CACNA1C: variants seen among roughly 807,000 people sequenced by gnomAD.
CACNA1C encodes voltage-dependent L-type calcium channel subunit alpha-1C.
Under a neutral mutation model 229.0 loss-of-function variants are expected in CACNA1C, and 30 were observed. The observed-to-expected ratio is 0.13, with a 90% confidence interval of 0.10 to 0.18. CACNA1C has a LOEUF of 0.18. Among genes scored for constraint, CACNA1C ranks in the 10% least tolerant of loss-of-function variants. The probability of loss-of-function intolerance (pLI) is 1.00; values close to 1 mark genes in which losing one functional copy is unlikely to be tolerated. For synonymous variants in CACNA1C, 1,114 were observed against 1,132.5 expected (o/e 0.98, Z 0.33); for missense variants, 1,658 against 2,845.0 (o/e 0.58, Z 9.49).
Position 2,567,685 on chromosome 12 carries a change from G to A in CACNA1C, c.1786G>A (p.Val596Met), listed in dbSNP as rs768034509. ...SLFNRFDCFV[V>M]CGGILETILV... ...CTTCAACCGCTTTGACTGCTTCGTC[G>A]TGTGTGGCGGCATCCTGGAGACCAT... The change falls in exon 13 of 47, where the codon GTG becomes ATG. Residue 596 changes from valine to methionine, a missense_variant. Around this residue, in one of 20 missense-constraint regions of CACNA1C, gnomAD observed 30 missense variants for 96.6 expected, o/e 0.31. Transcript: ENST00000399655. 7.4e-6 allele frequency: 12 copies of A among 1,613,662 alleles called. No individual in the cohort carries two copies. The highest frequency in any genetic ancestry group is 4.5e-5 in the East Asian group (2 of 44,862).
At position 2,575,204 on chromosome 12, in the gene CACNA1C, A is replaced by G. The variant is rs1463276599; in HGVS notation, c.1896-6386A>G. ...GTTAACTAAGTCAGCCCTTGCCTCA[A>G]AAGTGAAACCACAAAATGGTCTTCC... is the stretch of plus-strand genomic sequence containing the variant. On this transcript the variant is annotated intron_variant, in intron 13 of 46. Coordinates refer to ENST00000399655, the MANE Select transcript of CACNA1C (RefSeq NM_000719.7). This position sits in a 1 kb window ranked among gnomAD's most constrained non-coding sequence, Gnocchi z 4.0. Among the ~76,000 whole-genome samples, 1 of 152,222 alleles carries G rather than the reference A, an allele frequency of 6.6e-6. No homozygotes were observed. Among genetic ancestry groups the G allele is most frequent in the African/African-American group, 2.4e-5 (1 of 41,454 alleles).
intron 3 of CACNA1C, among the ~76,000 whole-genome samples, chr12:2,143,687 C>T (rs1185726887): frequency 2.6e-5 from 4 of 151,030 alleles, no homozygotes; most frequent in Non-Finnish European, 4.4e-5. Flanking sequence ...AATCACCTAA[C>T]GACTTATTTC....
intron 1 of CACNA1C, among the ~76,000 whole-genome samples, chr12:2,097,179 T>A (rs1356485814): frequency 1.3e-5 from 2 of 152,182 alleles, no homozygotes; most frequent in Admixed American, 6.5e-5. Flanking sequence ...GGAGTCTTGC[T>A]CTGTCACCCA....
Position 2,115,297 on chromosome 12 carries a change from G to A in CACNA1C, c.123G>A (p.Glu41=), listed in dbSNP as rs981806518. The part of the protein sequence containing the change: ...NANAAAGLAP[E]HIPTPGAALS... ...ATGCGGCAGCGGGGCTGGCCCCTGAGCACATCCCCACCCCGGGGGCTGCCC... is the reference window on the plus strand; with the variant it reads ...ATGCGGCAGCGGGGCTGGCCCCTGAACACATCCCCACCCCGGGGGCTGCCC... The change falls in exon 2 of 47, where the codon GAG becomes GAA. Residue 41 remains glutamate, a synonymous_variant. Coordinates refer to ENST00000399655, the MANE Select transcript of CACNA1C (RefSeq NM_000719.7). 4.4e-6 allele frequency: 7 copies of A among 1,593,710 alleles called. No individual in the cohort carries two copies. The African/African-American group carries it at 9.4e-5, about 21-fold the overall frequency.
At chr12:2,178,071 C>T (rs1245110020) in intron 3 of CACNA1C, among the ~76,000 whole-genome samples, 1 of 152,202 alleles carries the variant, frequency 6.6e-6, no homozygotes, top group South Asian at 2.1e-4. Context: ...AACTGCAGAT[C>T]TGCAGAGAAA....
At chr12:2,682,432 TTG>T (rs1467911107) in intron 42 of CACNA1C, 116 bp from the exon 43 acceptor site, 40 of 1,200,578 alleles carry the variant, frequency 3.3e-5, no homozygotes, top group Admixed American at 4.1e-5. Context: ...GTGTGTGTGC[TTG>T]TGTTTGTGCA....
At chr12:2,222,725 G>C (rs1348888728) in intron 3 of CACNA1C, among the ~76,000 whole-genome samples, 1 of 152,170 alleles carries the variant, frequency 6.6e-6, no homozygotes, top group East Asian at 1.9e-4. Flanking sequence ...TGAGCAATCT[G>C]AACATGAGGG....
rs528877877 is a variant in CACNA1C at position 2,597,776 on chromosome 12, A to G, written c.2853+487A>G. On this transcript the variant is annotated intron_variant, in intron 21 of 46. Transcript: ENST00000399655. This position sits in a 1 kb window ranked among gnomAD's most constrained non-coding sequence, Gnocchi z 4.3. ...TGGCTGTGCCAACATTAAGGCTGCC[A>G]TTTCACTGGTTGGGGCTGCAGCCGT... Among the ~76,000 whole-genome samples, 5 of 152,248 alleles carry G rather than the reference A, an allele frequency of 3.3e-5. No individual in the cohort carries two copies. The highest frequency in any genetic ancestry group is 1.2e-4 in the African/African-American group (5 of 41,558).
chr12:2,593,640 A>G (rs2066575891), intron 19 of CACNA1C, among the ~76,000 whole-genome samples: 1 of 152,254 alleles, frequency 6.6e-6, no homozygotes, highest in Admixed American at 6.5e-5. Flanking sequence ...AACAATATCA[A>G]GAACCTCCTC....
intron 1 of CACNA1C, chr12:2,004,198 C>T: frequency 6.4e-7 from 1 of 1,567,716 alleles, no homozygotes; most frequent in East Asian, 2.3e-5. Context: ...TCCTCCCCCT[C>T]ACCGGGTCCT....
chr12:2,483,854 G>T (rs540895990), intron 5 of CACNA1C, among the ~76,000 whole-genome samples: 1 of 152,284 alleles, frequency 6.6e-6, no homozygotes, highest in Admixed American at 6.5e-5. Flanking sequence ...TCTGTCCCCT[G>T]CAGGCCCTGA....
intron 3 of CACNA1C, among the ~76,000 whole-genome samples, chr12:2,447,007 C>T (rs568874767): frequency 6.6e-6 from 1 of 152,204 alleles, no homozygotes; most frequent in South Asian, 2.1e-4. Context: ...CTCAGCTTCA[C>T]CTTTCTGGGA....
At chr12:2,517,941 C>T (rs1169003712) in intron 9 of CACNA1C, among the ~76,000 whole-genome samples, 1 of 152,242 alleles carries the variant, frequency 6.6e-6, no homozygotes, top group Non-Finnish European at 1.5e-5. Flanking sequence ...CTTAAATGCA[C>T]CCTGGCTCTC....
chr12:2,459,045 C>G (rs1286619056), intron 5 of CACNA1C, among the ~76,000 whole-genome samples: 5 of 143,024 alleles, frequency 3.5e-5, no homozygotes, highest in Non-Finnish European at 6.0e-5. Context: ...TACAGTGGCA[C>G]AATCTCAGCT....
chr12:1,978,240 C>T (rs1439644356), intron 1 of CACNA1C, among the ~76,000 whole-genome samples: 1 of 152,196 alleles, frequency 6.6e-6, no homozygotes, highest in African/African-American at 2.4e-5. Flanking sequence ...ATTTCTATTA[C>T]CTCACATTAC....
intron 4 of CACNA1C, among the ~76,000 whole-genome samples, chr12:2,450,662 G>A (rs4765934): frequency 0.3 from 44,715 of 151,138 alleles, 7,407 homozygotes; most frequent in East Asian, 0.7. Flanking sequence ...AGAAGAAGCC[G>A]GTTCCTTTGG....
At chr12:2,357,932 T>G (rs540259158) in intron 3 of CACNA1C, among the ~76,000 whole-genome samples, 5 of 146,532 alleles carry the variant, frequency 3.4e-5, no homozygotes, top group Non-Finnish European at 7.4e-5. Flanking sequence ...GATCATGCCA[T>G]TGCTCTCCAG....
intron 3 of CACNA1C, among the ~76,000 whole-genome samples, chr12:2,297,876 C>CCA (rs763928647): frequency 2.3e-4 from 35 of 151,012 alleles, no homozygotes; most frequent in East Asian, 9.7e-4. Flanking sequence ...AAACCTAAAA[C>CCA]CACACACACA....
intron 3 of CACNA1C, among the ~76,000 whole-genome samples, chr12:2,154,033 C>A (rs1253506023): frequency 6.6e-6 from 1 of 152,182 alleles, no homozygotes; most frequent in Non-Finnish European, 1.5e-5. Flanking sequence ...AAAAATCAGA[C>A]TTCCCCTTCT....
Sources: gnomAD v4.1 joint callset for allele counts (sites outside exome capture counted in the v4.1 genomes callset) on GRCh38, gnomAD v4.1.1 for gene constraint, gnomAD v4.1.1 regional missense constraint, Gnocchi (gnomAD v3.1) non-coding constraint, MANE v1.5 for transcripts, NCBI Gene and HGNC (gene_info 2026-07-23, HGNC 2026-07-21) for gene names.